Variants in SAMD3 observed in about 807,000 individuals in gnomAD.
SAMD3 encodes sterile alpha motif domain-containing protein 3.
Under a neutral mutation model 58.5 loss-of-function variants are expected in SAMD3, and 63 were observed. That is an observed-to-expected ratio of 1.08 (90% CI 0.88 to 1.33). The LOEUF (loss-of-function observed/expected upper bound fraction) is 1.33. Ranked by LOEUF, SAMD3 falls within the 40% of genes most tolerant of loss-of-function variation. The probability of loss-of-function intolerance (pLI) is 0.00; values close to 1 mark genes in which losing one functional copy is unlikely to be tolerated. For missense variants in SAMD3, 604 were observed against 608.4 expected (o/e 0.99, Z 0.08); for synonymous variants, 220 against 210.3 (o/e 1.05, Z -0.40).
In SAMD3 at chr6:130,144,685, C is replaced by T; in HGVS notation, c.1398G>A (p.Leu466=). The T allele has an allele frequency of 6.2e-7, 1 of 1,613,984 alleles. No homozygotes were observed. Among genetic ancestry groups the T allele is most frequent in the Non-Finnish European group, 8.5e-7 (1 of 1,180,006 alleles). The change falls in exon 12 of 12, where the codon TTG becomes TTA. Residue 466 remains leucine, a synonymous_variant. Transcript: ENST00000439090. ...LTKVDDCVTA[L]AALVAAFHVF... ...CATGAAAGGCAGCTACTAGCGCAGCCAAGGCTGTAACACAGTCGTCCACCT... is the reference window on the plus strand; with the variant it reads ...CATGAAAGGCAGCTACTAGCGCAGCTAAGGCTGTAACACAGTCGTCCACCT...
chr6:130,355,401 G>A (rs577864697), intron 1 of SAMD3, among the ~76,000 whole-genome samples: 1 of 152,280 alleles, frequency 6.6e-6, no homozygotes, highest in South Asian at 2.1e-4. Context: ...TCCAGCCTAG[G>A]TGACAGAGTG....
At chr6:130,200,577 A>AAT (rs1278702412) in intron 5 of SAMD3, among the ~76,000 whole-genome samples, 1 of 151,164 alleles carries the variant, frequency 6.6e-6, no homozygotes, top group African/African-American at 2.4e-5. Flanking sequence ...AAAAAAAAAA[A>AAT]AGGGGAATGA....
At chr6:130,293,124 C>T (rs749719709) in intron 2 of SAMD3, among the ~76,000 whole-genome samples, 1 of 152,176 alleles carries the variant, frequency 6.6e-6, no homozygotes, top group African/African-American at 2.4e-5. Flanking sequence ...ATTTGGTTAA[C>T]GGGAACTTGA....
Position 130,184,287 on chromosome 6 carries a change from A to G in SAMD3, c.570-100T>C, listed in dbSNP as rs930910883. On this transcript the variant is annotated intron_variant, in intron 6 of 11. Coordinates refer to ENST00000439090, the MANE Select transcript of SAMD3 (RefSeq NM_001017373.4). ...CACTCATTTTTCTTCACATTTTTCTATATAACAAAAAGAGATTTAAATATT... is the reference window on the plus strand; with the variant it reads ...CACTCATTTTTCTTCACATTTTTCTGTATAACAAAAAGAGATTTAAATATT... The G allele has an allele frequency of 2.1e-5, 25 of 1,200,980 alleles. No homozygotes were observed. In the African/African-American group the frequency reaches 3.7e-4, roughly 18 times the overall value. 74.4% of individuals were successfully genotyped at this position (1,200,980 alleles called of 1,614,324 possible).
chr6:130,172,862 CT>C (rs1791372463), intron 8 of SAMD3, among the ~76,000 whole-genome samples: 1 of 152,152 alleles, frequency 6.6e-6, no homozygotes, highest in African/African-American at 2.4e-5. Flanking sequence ...TATGTTTGTT[CT>C]TTTTACATAG....
intron 9 of SAMD3, among the ~76,000 whole-genome samples, chr6:130,152,654 G>T (rs572953854): frequency 6.6e-6 from 1 of 152,152 alleles, no homozygotes; most frequent in African/African-American, 2.4e-5. Flanking sequence ...TCCAGCCTGG[G>T]CGACAAAGTA....
chr6:130,274,998 G>T (rs1158451748), intron 2 of SAMD3, among the ~76,000 whole-genome samples: 2 of 152,080 alleles, frequency 1.3e-5, no homozygotes, highest in African/African-American at 4.8e-5. Context: ...AGCAGTACTG[G>T]CATCAACTGG....
chr6:130,191,522 G>C (rs1793539604), intron 5 of SAMD3, among the ~76,000 whole-genome samples: 1 of 152,076 alleles, frequency 6.6e-6, no homozygotes, highest in African/African-American at 2.4e-5. Context: ...AGATAATATT[G>C]CCTTAGGGAA....
intron 2 of SAMD3, among the ~76,000 whole-genome samples, chr6:130,263,501 T>C (rs1022350276): frequency 6.6e-6 from 1 of 152,076 alleles, no homozygotes; most frequent in South Asian, 2.1e-4. Context: ...AGACTCATCA[T>C]GCCCGACTCA....
At chr6:130,253,681 T>C (rs767376937) in intron 2 of SAMD3, among the ~76,000 whole-genome samples, 3 of 152,166 alleles carry the variant, frequency 2.0e-5, no homozygotes, top group Non-Finnish European at 4.4e-5. Flanking sequence ...CAATGCTTTC[T>C]ATTTTAAGAA....
chr6:130,359,152 T>A (rs1469215305), intron 1 of SAMD3, among the ~76,000 whole-genome samples: 25 of 152,240 alleles, frequency 1.6e-4, no homozygotes, highest in Admixed American at 1.6e-3. Context: ...TATAAAATGC[T>A]TAGAATAGTG....
chr6:130,258,530 A>T (rs961428221), intron 2 of SAMD3, among the ~76,000 whole-genome samples: 3 of 152,210 alleles, frequency 2.0e-5, no homozygotes, highest in African/African-American at 7.2e-5. Context: ...ACATATTTAA[A>T]GTGCACAATT....
chr6:130,325,799 G>T (rs997456413), intron 1 of SAMD3, among the ~76,000 whole-genome samples: 1 of 152,106 alleles, frequency 6.6e-6, no homozygotes, highest in Non-Finnish European at 1.5e-5. Context: ...CAATGTACCC[G>T]TTCCTGAACT....
chr6:130,162,289 A>G (rs1340797822), intron 8 of SAMD3: 2 of 701,566 alleles, frequency 2.9e-6, no homozygotes, highest in Admixed American at 4.0e-5. Flanking sequence ...GAGCAGAAAT[A>G]AGGAGGAGAA....
At chr6:130,282,618 C>T (rs989858797) in intron 2 of SAMD3, among the ~76,000 whole-genome samples, 1 of 151,970 alleles carries the variant, frequency 6.6e-6, no homozygotes, top group African/African-American at 2.4e-5. Context: ...TACTGGACTT[C>T]AGGGAAACCC....
chr6:130,258,613 C>A (rs1774006671), intron 2 of SAMD3, among the ~76,000 whole-genome samples: 3 of 152,156 alleles, frequency 2.0e-5, no homozygotes, highest in Admixed American at 1.3e-4. Context: ...AACTATCACA[C>A]ACAAAAGAGT....
intron 5 of SAMD3, 47 bp downstream of exon 5, chr6:130,209,448 G>A: frequency 1.0e-6 from 1 of 983,674 alleles, no homozygotes; most frequent in East Asian, 2.5e-5. Flanking sequence ...AAGAAATAGA[G>A]AAGAATGTTA....
intron 4 of SAMD3, among the ~76,000 whole-genome samples, chr6:130,211,055 G>T (rs1354975875): frequency 6.6e-6 from 1 of 151,958 alleles, no homozygotes; most frequent in African/African-American, 2.4e-5. Flanking sequence ...GGGAGGCAGA[G>T]GTTGCAGTGA....
intron 10 of SAMD3, 127 bp from the exon 11 acceptor site, chr6:130,145,549 A>G (rs1788545995): frequency 3.4e-6 from 2 of 581,092 alleles, no homozygotes; most frequent in Admixed American, 2.6e-5. Context: ...TTCTTAGATC[A>G]ATGTTTCACA....
Sources: gnomAD v4.1 joint callset for allele counts (sites outside exome capture counted in the v4.1 genomes callset) on GRCh38, gnomAD v4.1.1 for gene constraint, MANE v1.5 for transcripts, NCBI Gene and HGNC (gene_info 2026-07-23, HGNC 2026-07-21) for gene names.